The following SLC43A2 variants were observed in gnomAD, a reference collection of about 807,000 sequenced individuals.
The protein encoded by SLC43A2 is large neutral amino acids transporter small subunit 4.
A neutral mutation model predicts 63.2 loss-of-function variants in SLC43A2; 38 were observed. The observed-to-expected ratio is 0.60, with a 90% CI of 0.46 to 0.79. The LOEUF (loss-of-function observed/expected upper bound fraction) is 0.79, where lower values mean the gene tolerates loss of function less well. Among genes scored for constraint, SLC43A2 ranks in the 30% least tolerant of loss-of-function variants. The pLI, the probability that SLC43A2 is intolerant of heterozygous loss-of-function variation, is 0.00. For missense variants in SLC43A2, 644 were observed against 756.2 expected (o/e 0.85, Z 1.74); for synonymous variants, 322 against 331.0 (o/e 0.97, Z 0.30).
chr17:1,586,928 T>TCTC lies in SLC43A2; in HGVS notation c.1079-878_1079-877insGAG. 3.2e-5 allele frequency: 40 copies of TCTC among 1,232,904 alleles called. No homozygotes were observed. In the Admixed American group the frequency reaches 4.0e-4, roughly 12 times the overall value. The allele number at this position is 1,232,904 out of a possible 1,614,324, so 76.4% of individuals were successfully genotyped here. A position where few individuals can be genotyped will look rare whatever the true frequency, so the allele number is the denominator to read the frequency against. ...GGGACATCACAGCATTCCCTGACAA[T>TCTC]CCCCCCCACCCCCCGCTTACCCGTG... On this transcript the variant is annotated intron_variant, in intron 9 of 13. Coordinates refer to ENST00000301335, the MANE Select transcript of SLC43A2 (RefSeq NM_152346.3).
chr17:1,577,492 G>A lies in SLC43A2; in HGVS notation c.1424+758C>T, dbSNP rs1283195885. 1.3e-5 allele frequency among the ~76,000 whole-genome samples: 2 copies of A among 152,232 alleles called. No individual in the cohort carries two copies. Among genetic ancestry groups the A allele is most frequent in the Admixed American group, 6.5e-5 (1 of 15,284 alleles). On this transcript the variant is annotated intron_variant, in intron 12 of 13. Transcript: ENST00000301335. The surrounding 1 kb of genome is among the most constrained non-coding windows in gnomAD (Gnocchi z 4.9). ...GGGGAGGGGCAGGCGGAGGGCAAGC[G>A]GAGCTGGGATTACCCCAGGGGCTGT...
At chr17:1,595,157 T>C (rs1297734529) in intron 5 of SLC43A2, among the ~76,000 whole-genome samples, 1 of 151,868 alleles carries the variant, frequency 6.6e-6, no homozygotes, top group East Asian at 1.9e-4. Flanking sequence ...GGCAGGCGCC[T>C]ATAATCCCAG....
At chr17:1,585,699 C>T (rs1301671675) in intron 10 of SLC43A2, 5 of 1,499,418 alleles carry the variant, frequency 3.3e-6, no homozygotes, top group Admixed American at 2.0e-5. Context: ...CAAACTTTAG[C>T]ATTTCCATTG....
chr17:1,599,241 G>T (rs1266344051), intron 5 of SLC43A2, among the ~76,000 whole-genome samples: 1 of 152,064 alleles, frequency 6.6e-6, no homozygotes, highest in Admixed American at 6.6e-5. Flanking sequence ...TTGGGAGGCT[G>T]AAGCAGGAGG....
At chr17:1,619,074 G>A (rs1400733093) in intron 2 of SLC43A2, among the ~76,000 whole-genome samples, 1 of 151,732 alleles carries the variant, frequency 6.6e-6, no homozygotes, top group Non-Finnish European at 1.5e-5. Context: ...GGAGGCCAAG[G>A]TGGGTGGATC....
chr17:1,605,030 T>C lies in SLC43A2; in HGVS notation c.501+8165A>G. The C allele has an allele frequency of 7.0e-7, 1 of 1,419,586 alleles. No individual in the cohort carries two copies. The highest frequency in any genetic ancestry group is 1.5e-5 in the South Asian group (1 of 66,302). 87.9% of individuals were successfully genotyped at this position (1,419,586 alleles called of 1,614,324 possible). On this transcript the variant is annotated intron_variant, in intron 5 of 13. Coordinates refer to ENST00000301335, the MANE Select transcript of SLC43A2 (RefSeq NM_152346.3). The surrounding 1 kb of genome is among the most constrained non-coding windows in gnomAD (Gnocchi z 4.9). ...GACCCCAGGAGGGGAAGGACCAGCTTTGCTGCCAAGCAGGAAGCCGGAGCT... is the reference window on the plus strand; with the variant it reads ...GACCCCAGGAGGGGAAGGACCAGCTCTGCTGCCAAGCAGGAAGCCGGAGCT...
Position 1,593,343 on chromosome 17 carries a change from G to A in SLC43A2, c.502-64C>T. 6.8e-7 allele frequency: 1 copy of A among 1,481,314 alleles called. No individual in the cohort carries two copies. The highest frequency in any genetic ancestry group is 1.2e-5 in the South Asian group (1 of 85,682). 91.8% of individuals were successfully genotyped at this position (1,481,314 alleles called of 1,614,324 possible). On this transcript the variant is annotated intron_variant, in intron 5 of 13. Transcript: ENST00000301335. This position sits in a 1 kb window ranked among gnomAD's most constrained non-coding sequence, Gnocchi z 5.3. ...TGCACCAGGGAAGGGGAGGAGGAGGGGACAGAGAACTAGGCCCCATGAGGC... is the reference window on the plus strand; with the variant it reads ...TGCACCAGGGAAGGGGAGGAGGAGGAGACAGAGAACTAGGCCCCATGAGGC...
upstream of SLC43A2, chr17:1,628,968 A>G (rs1908951432): frequency 6.6e-6 from 1 of 151,168 alleles, no homozygotes; most frequent in East Asian, 2.0e-4. Flanking sequence ...CGCCGCGAGC[A>G]GAAGCCGGTT....
chr17:1,599,787 G>A (rs1004068156), intron 5 of SLC43A2, among the ~76,000 whole-genome samples: 5 of 151,672 alleles, frequency 3.3e-5, no homozygotes, highest in Non-Finnish European at 7.4e-5. Flanking sequence ...GCTCACGCCT[G>A]TAATCCCAGC....
intron 6 of SLC43A2, 107 bp from the exon 7 acceptor site, chr17:1,591,806 T>G: frequency 1.4e-5 from 12 of 829,736 alleles, no homozygotes; most frequent in Non-Finnish European, 5.7e-6. Context: ...GCTGTCCCTG[T>G]GCTGAGCCGC....
chr17:1,617,478 C>T (rs565555643), intron 2 of SLC43A2, among the ~76,000 whole-genome samples: 1 of 152,110 alleles, frequency 6.6e-6, no homozygotes, highest in African/African-American at 2.4e-5. Flanking sequence ...GCAACCTCCG[C>T]CTCCCGGGTT....
chr17:1,606,160 G>A lies in SLC43A2; in HGVS notation c.501+7035C>T, dbSNP rs756056439. On this transcript the variant is annotated intron_variant, in intron 5 of 13. Coordinates refer to ENST00000301335, the MANE Select transcript of SLC43A2 (RefSeq NM_152346.3). The surrounding 1 kb of genome is among the most constrained non-coding windows in gnomAD (Gnocchi z 4.7). ...TCCAGAGCTGGCCGGGGGCCACCGCGGGACCCTCTCCTGGACCCTCCAGAG... is the reference window on the plus strand; with the variant it reads ...TCCAGAGCTGGCCGGGGGCCACCGCAGGACCCTCTCCTGGACCCTCCAGAG... Among the ~76,000 whole-genome samples the A allele has an allele frequency of 2.6e-5, 4 of 151,400 alleles. No homozygotes were observed. The highest frequency in any genetic ancestry group is 4.9e-5 in the African/African-American group (2 of 41,128).
intron 4 of SLC43A2, among the ~76,000 whole-genome samples, chr17:1,613,573 C>G (rs769382991): frequency 9.9e-5 from 15 of 152,206 alleles, no homozygotes; most frequent in Non-Finnish European, 1.8e-4. Context: ...CTGCCTCAGC[C>G]TCCCAAGTAG....
rs560205314 is a variant in SLC43A2, at chr17:1,583,391, G to A, written c.1218-55C>T. ...GAGGGCTCCCCGGAGGAAGCCGGGT[G>A]CTCCTGAGAAGTCAGGCCTCAAGCG... On this transcript the variant is annotated intron_variant, in intron 10 of 13. Coordinates refer to ENST00000301335, the MANE Select transcript of SLC43A2 (RefSeq NM_152346.3). This position sits in a 1 kb window ranked among gnomAD's most constrained non-coding sequence, Gnocchi z 5.5. 39 of 1,602,526 alleles carry A rather than the reference G, an allele frequency of 2.4e-5. No homozygotes were observed. The African/African-American group carries it at 4.5e-4, about 19-fold the overall frequency.
At position 1,577,632 on chromosome 17, in the gene SLC43A2, T is replaced by C. The variant is rs1244326308; in HGVS notation, c.1424+618A>G. The stretch of plus-strand genomic sequence containing the variant: ...TGAGCTGGTCCCACATCAGAGACTG[T>C]GGATGATGATGTTTGAGTTTCAGTT... On this transcript the variant is annotated intron_variant, in intron 12 of 13. Transcript: ENST00000301335. This position sits in a 1 kb window ranked among gnomAD's most constrained non-coding sequence, Gnocchi z 4.9. Among the ~76,000 whole-genome samples, 1 of 152,174 alleles carries C rather than the reference T, an allele frequency of 6.6e-6. No homozygotes were observed. Among genetic ancestry groups the C allele is most frequent in the Non-Finnish European group, 1.5e-5 (1 of 68,020 alleles).
chr17:1,602,384 A>G (rs967808102), intron 5 of SLC43A2, among the ~76,000 whole-genome samples: 4 of 152,086 alleles, frequency 2.6e-5, no homozygotes, highest in South Asian at 2.1e-4. Context: ...GGTGGCTCAC[A>G]CCTGTAATCC....
chr17:1,627,223 G>C (rs903848870), intron 2 of SLC43A2, among the ~76,000 whole-genome samples: 31 of 152,300 alleles, frequency 2.0e-4, no homozygotes, highest in African/African-American at 7.5e-4. Flanking sequence ...AAGCACTTAG[G>C]AGACTCCACA....
At chr17:1,576,495 A>T in intron 13 of SLC43A2, 102 bp downstream of exon 13, 1 of 1,338,810 alleles carries the variant, frequency 7.5e-7, no homozygotes, top group Non-Finnish European at 1.0e-6. Flanking sequence ...CAACGCTCCC[A>T]CATGTCCTCG....
chr17:1,593,407 G>A lies in SLC43A2; in HGVS notation c.502-128C>T. 1.2e-6 allele frequency: 1 copy of A among 804,022 alleles called. No homozygotes were observed. The allele number at this position is 804,022 out of a possible 1,614,324, so 49.8% of individuals were successfully genotyped here. Reference sequence around the variant, plus strand: ...GCGCCCCTTCCTGTGTGACTCACAGGGGCATTAGTTCAGGGGCAATGACCG... The same window carrying A: ...GCGCCCCTTCCTGTGTGACTCACAGAGGCATTAGTTCAGGGGCAATGACCG... On this transcript the variant is annotated intron_variant, in intron 5 of 13. Transcript: ENST00000301335. The surrounding 1 kb of genome is among the most constrained non-coding windows in gnomAD (Gnocchi z 5.3).
Sources: gnomAD v4.1 joint callset for allele counts (sites outside exome capture counted in the v4.1 genomes callset) on GRCh38, gnomAD v4.1.1 for gene constraint, Gnocchi (gnomAD v3.1) non-coding constraint, MANE v1.5 for transcripts, NCBI Gene and HGNC (gene_info 2026-07-23, HGNC 2026-07-21) for gene names.